Variants in GMDS observed in about 807,000 individuals in gnomAD.
GMDS encodes GDP-mannose 4,6 dehydratase.
A neutral mutation model predicts 49.9 loss-of-function variants in GMDS; 20 were observed. That is an observed-to-expected ratio of 0.40 (90% CI 0.28 to 0.58). The LOEUF is 0.58. Ranked by LOEUF, GMDS falls within the 20% of genes least tolerant of loss-of-function variation. The pLI is 0.42. For missense variants in GMDS, 362 were observed against 481.4 expected, an observed-to-expected ratio of 0.75 and a Z score of 2.32; for synonymous variants, 177 against 178.6, an observed-to-expected ratio of 0.99 and a Z score of 0.07.
intron 7 of GMDS, among the ~76,000 whole-genome samples, chr6:1,844,291 T>C (rs1757286451): frequency 6.6e-6 from 1 of 152,206 alleles, no homozygotes; most frequent in South Asian, 2.1e-4. Context: ...TAAAGTAGAA[T>C]GAATTTTTCT....
At chr6:1,672,596 T>C (rs1764465067) in intron 9 of GMDS, among the ~76,000 whole-genome samples, 1 of 152,164 alleles carries the variant, frequency 6.6e-6, no homozygotes, top group Non-Finnish European at 1.5e-5. Context: ...AATTCTAAGA[T>C]TGGTTAAGAG....
At chr6:2,109,925 C>T (rs946916372) in intron 4 of GMDS, among the ~76,000 whole-genome samples, 11 of 152,286 alleles carry the variant, frequency 7.2e-5, no homozygotes, top group South Asian at 4.1e-4. Context: ...GCAATAGCTA[C>T]GCTCCCTGCC....
chr6:1,810,078 CG>C (rs1010798463), intron 7 of GMDS, among the ~76,000 whole-genome samples: 53 of 152,100 alleles, frequency 3.5e-4, no homozygotes, highest in African/African-American at 1.2e-3. Context: ...GCCCCTGAGC[CG>C]GGGGTGGGGT....
chr6:2,061,217 C>T (rs1165814377), intron 4 of GMDS, among the ~76,000 whole-genome samples: 1 of 152,042 alleles, frequency 6.6e-6, no homozygotes, highest in African/African-American at 2.4e-5. Flanking sequence ...CCCTGGAAAC[C>T]CTTGCAAACA....
At chr6:1,831,973 G>C (rs1735420211) in intron 7 of GMDS, among the ~76,000 whole-genome samples, 1 of 152,034 alleles carries the variant, frequency 6.6e-6, no homozygotes, top group Non-Finnish European at 1.5e-5. Context: ...AAACCATAAG[G>C]TGGTTGATAA....
At position 1,868,005 on chromosome 6, in the gene GMDS, T is replaced by TC. The variant is rs757339680; in HGVS notation, c.771+62097dup. Among the ~76,000 whole-genome samples, 172 of 150,870 alleles carry TC rather than the reference T, an allele frequency of 1.1e-3. 1 individual carries two copies. The highest frequency in any genetic ancestry group is 2.1e-3 in the Non-Finnish European group (144 of 67,542). On this transcript the variant is annotated intron_variant, in intron 7 of 10. Transcript: ENST00000380815. ...TCAACAGCTGTTCTTTTTTTTTTTTTCCCTGGAGTCTCGCTCTGTCACCCA... is the reference window on the plus strand; with the variant it reads ...TCAACAGCTGTTCTTTTTTTTTTTTTCCCCTGGAGTCTCGCTCTGTCACCCA...
chr6:1,811,078 G>A (rs774495006), intron 7 of GMDS, among the ~76,000 whole-genome samples: 3 of 152,052 alleles, frequency 2.0e-5, no homozygotes, highest in Non-Finnish European at 4.4e-5. Flanking sequence ...CTTGATGAGA[G>A]CTGGTCCTGT....
chr6:2,119,886 T>C (rs1307542725), intron 2 of GMDS, among the ~76,000 whole-genome samples: 1 of 152,224 alleles, frequency 6.6e-6, no homozygotes, highest in East Asian at 1.9e-4. Flanking sequence ...AAATTTCAAG[T>C]TCTTTCCATT....
chr6:1,789,996 A>G (rs1002396400), intron 7 of GMDS, among the ~76,000 whole-genome samples: 3 of 151,886 alleles, frequency 2.0e-5, no homozygotes, highest in African/African-American at 7.3e-5. Context: ...GTCTTTCCCC[A>G]TCTCGTATTC....
intron 9 of GMDS, among the ~76,000 whole-genome samples, chr6:1,674,558 CTCTTTTTTTTTT>C (rs1255690002): frequency 2.9e-4 from 21 of 71,438 alleles, no homozygotes; most frequent in African/African-American, 9.8e-4. Flanking sequence ...CTCTCTCTCT[CTCTTTTTTTTTT>C]TTTTTTTTTT....
At chr6:2,143,062 G>A (rs913869438) in intron 1 of GMDS, among the ~76,000 whole-genome samples, 1 of 152,198 alleles carries the variant, frequency 6.6e-6, no homozygotes, top group Admixed American at 6.5e-5. Context: ...GGTCTGTAGG[G>A]TCTACAAGGA....
At chr6:2,130,996 G>A (rs1775707615) in intron 1 of GMDS, among the ~76,000 whole-genome samples, 1 of 151,286 alleles carries the variant, frequency 6.6e-6, no homozygotes, top group Non-Finnish European at 1.5e-5. Flanking sequence ...TTTACCAATT[G>A]GTTTGTTCTT....
intron 1 of GMDS, among the ~76,000 whole-genome samples, chr6:2,222,020 T>C (rs767664327): frequency 6.6e-6 from 1 of 152,216 alleles, no homozygotes; most frequent in East Asian, 1.9e-4. Flanking sequence ...ACAGTAATTC[T>C]ACCTAAATTA....
intron 7 of GMDS, among the ~76,000 whole-genome samples, chr6:1,865,193 T>C (rs1758387218): frequency 6.6e-6 from 1 of 152,224 alleles, no homozygotes. Flanking sequence ...TTAAGTTTTC[T>C]TGAGAACTTT....
intron 9 of GMDS, among the ~76,000 whole-genome samples, chr6:1,720,726 T>C (rs188142753): frequency 6.6e-6 from 1 of 152,238 alleles, no homozygotes; most frequent in East Asian, 1.9e-4. Context: ...CTCCACATCC[T>C]CTGACCCTGG....
intron 9 of GMDS, among the ~76,000 whole-genome samples, chr6:1,683,579 A>G (rs963309247): frequency 4.6e-5 from 7 of 152,156 alleles, no homozygotes; most frequent in Non-Finnish European, 1.0e-4. Flanking sequence ...AGCAAATAGG[A>G]TGTGACCACT....
At chr6:2,156,179 A>C (rs1258822580) in intron 1 of GMDS, among the ~76,000 whole-genome samples, 1 of 152,130 alleles carries the variant, frequency 6.6e-6, no homozygotes, top group Non-Finnish European at 1.5e-5. Context: ...TTATAAATAT[A>C]TTATAGAGCG....
chr6:1,738,800 T>C (rs543276714), intron 8 of GMDS, among the ~76,000 whole-genome samples: 2 of 152,328 alleles, frequency 1.3e-5, no homozygotes, highest in South Asian at 2.1e-4. Context: ...ATCGCTCCTC[T>C]CCCTCTCCAT....
chr6:2,137,393 G>A (rs1364043904), intron 1 of GMDS, among the ~76,000 whole-genome samples: 1 of 150,436 alleles, frequency 6.6e-6, no homozygotes, highest in African/African-American at 2.5e-5. Context: ...GAGTGCAATG[G>A]CACGATCTTG....
Sources: gnomAD v4.1 joint callset for allele counts (sites outside exome capture counted in the v4.1 genomes callset) on GRCh38, gnomAD v4.1.1 for gene constraint, MANE v1.5 for transcripts, NCBI Gene and HGNC (gene_info 2026-07-23, HGNC 2026-07-21) for gene names.